Variants in LEPROTL1 observed in about 807,000 individuals in gnomAD.
The protein encoded by LEPROTL1 is leptin receptor overlapping transcript like 1, also known as leptin receptor overlapping transcript-like 1.
In LEPROTL1, 6 loss-of-function variants were observed where a neutral mutation model predicts 15.4. The observed-to-expected ratio is 0.39, with a 90% CI of 0.21 to 0.77. The LOEUF is 0.77. Among genes scored for constraint, LEPROTL1 ranks in the 30% least tolerant of loss-of-function variants. LEPROTL1 has a pLI of 0.41. For missense variants in LEPROTL1, 128 were observed against 158.1 expected (o/e 0.81, Z 1.02); for synonymous variants, 56 against 52.6 (o/e 1.06, Z -0.28).
At chr8:30,132,990 C>T (rs1027519728) in intron 4 of LEPROTL1, 14 of 1,368,768 alleles carry the variant, frequency 1.0e-5, no homozygotes, top group South Asian at 1.5e-5. Context: ...CATGATCTCG[C>T]AGGAAATAGA....
Position 30,095,447 on chromosome 8 carries a change from G to A in LEPROTL1, c.-66G>A. The A allele has an allele frequency of 6.9e-7, 1 of 1,452,650 alleles. No homozygotes were observed. Among genetic ancestry groups the A allele is most frequent in the African/African-American group, 1.5e-5 (1 of 67,856 alleles). The allele number at this position is 1,452,650 out of a possible 1,614,324, so 90.0% of individuals were successfully genotyped here. A position where few individuals can be genotyped will look rare whatever the true frequency, so the allele number is the denominator to read the frequency against. ...TGTCTGGCCGCCGTAGCGCGTCTTG[G>A]GTCTCCCGGCTGCCGCTGCTGCCGC... On this transcript the variant is annotated 5_prime_UTR_variant, in exon 1 of 4. Coordinates refer to ENST00000321250, the MANE Select transcript of LEPROTL1 (RefSeq NM_015344.3).
intron 3 of LEPROTL1, among the ~76,000 whole-genome samples, chr8:30,130,868 A>G (rs945014127): frequency 6.8e-6 from 1 of 146,696 alleles, no homozygotes. Context: ...CAACCTCCAC[A>G]CCCTGGATTC....
downstream of LEPROTL1, among the ~76,000 whole-genome samples, chr8:30,112,603 A>C (rs982931738): frequency 4.6e-5 from 7 of 151,490 alleles, no homozygotes; most frequent in Non-Finnish European, 1.0e-4. Flanking sequence ...ACATGGTAGC[A>C]CACATCACAG....
chr8:30,122,796 A>G (rs984280690), intron 3 of LEPROTL1, among the ~76,000 whole-genome samples: 2 of 152,188 alleles, frequency 1.3e-5, no homozygotes, highest in Non-Finnish European at 2.9e-5. Context: ...CTCTCTCCCA[A>G]AAAAACTTTT....
chr8:30,126,623 C>CATACAT (rs1802910958), intron 3 of LEPROTL1, among the ~76,000 whole-genome samples: 2 of 152,178 alleles, frequency 1.3e-5, no homozygotes, highest in South Asian at 4.1e-4. Context: ...GAGTGGATTG[C>CATACAT]TAAACCTGGG....
chr8:30,110,152 C>T (rs1414177802), downstream of LEPROTL1, among the ~76,000 whole-genome samples: 2 of 152,176 alleles, frequency 1.3e-5, no homozygotes, highest in African/African-American at 4.8e-5. Flanking sequence ...CTTCCAGTCT[C>T]TTGAAGATTA....
chr8:30,106,398 A>C lies in LEPROTL1; in HGVS notation c.*536A>C, dbSNP rs1802569419. ...CGTTATAGACTGTATACTCAGTGCA[A>C]ATATAGCTGCATTTATACCTCAGAG... On this transcript the variant is annotated 3_prime_UTR_variant, in exon 4 of 4. Coordinates refer to ENST00000321250, the MANE Select transcript of LEPROTL1 (RefSeq NM_015344.3). The C allele has an allele frequency of 1.0e-6, 1 of 985,738 alleles. No individual in the cohort carries two copies. Among genetic ancestry groups the C allele is most frequent in the Non-Finnish European group, 1.2e-6 (1 of 829,942 alleles). 61.1% of individuals were successfully genotyped at this position (985,738 alleles called of 1,614,324 possible).
chr8:30,111,119 T>C (rs2117496785), downstream of LEPROTL1, among the ~76,000 whole-genome samples: 1 of 152,340 alleles, frequency 6.6e-6, no homozygotes, highest in East Asian at 1.9e-4. Context: ...AACAACTTCC[T>C]AGGATTAAAC....
At position 30,124,838 on chromosome 8, in the gene LEPROTL1, A is replaced by G. The variant is rs368761494; in HGVS notation, c.280-7537A>G. On this transcript the variant is annotated intron_variant, in intron 3 of 4. Coordinates refer to the LEPROTL1 transcript ENST00000442880. ...GTTCCCTTGAATTCAGGTCATTACC[A>G]TGAGTGTCATCCATTAGGAGTTAAC... 3.3e-5 allele frequency among the ~76,000 whole-genome samples: 5 copies of G among 152,346 alleles called. No individual in the cohort carries two copies. In the East Asian group the frequency reaches 7.7e-4, roughly 24 times the overall value.
chr8:30,103,598 G>A (rs767381083), intron 2 of LEPROTL1, among the ~76,000 whole-genome samples: 17 of 151,766 alleles, frequency 1.1e-4, no homozygotes, highest in Admixed American at 7.9e-4. Flanking sequence ...AAAATTAGCC[G>A]GGCATGGTGG....
intron 3 of LEPROTL1, among the ~76,000 whole-genome samples, chr8:30,115,174 C>T (rs906934196): frequency 4.0e-5 from 6 of 151,890 alleles, no homozygotes; most frequent in African/African-American, 9.7e-5. Context: ...GATCAGCCTG[C>T]GCAATATGAT....
intron 3 of LEPROTL1, among the ~76,000 whole-genome samples, chr8:30,124,598 A>G (rs1802880269): frequency 6.6e-6 from 1 of 152,350 alleles, no homozygotes; most frequent in East Asian, 1.9e-4. Flanking sequence ...ATTAGTGTTT[A>G]AATTTCCCTA....
intron 1 of LEPROTL1, chr8:30,096,318 T>C: frequency 1.0e-6 from 1 of 984,250 alleles, no homozygotes; most frequent in Non-Finnish European, 1.2e-6. Flanking sequence ...TTAGGTAGTT[T>C]TGTTGTCAGT....
At chr8:30,121,065 C>T (rs746758131) in intron 3 of LEPROTL1, among the ~76,000 whole-genome samples, 19 of 152,182 alleles carry the variant, frequency 1.2e-4, no homozygotes, top group Non-Finnish European at 2.4e-4. Flanking sequence ...AATCATATAG[C>T]GTTTGTTCTT....
At chr8:30,132,951 T>A (rs1803059274) in intron 4 of LEPROTL1, 2 of 1,466,368 alleles carry the variant, frequency 1.4e-6, no homozygotes, top group Non-Finnish European at 1.8e-6. Context: ...TCTGTATTTA[T>A]TCTCTCTCTC....
chr8:30,117,040 G>A (rs1802752234), intron 3 of LEPROTL1, among the ~76,000 whole-genome samples: 1 of 152,154 alleles, frequency 6.6e-6, no homozygotes, highest in South Asian at 2.1e-4. Flanking sequence ...ATTGAGAGAT[G>A]TGTGAGTAGA....
chr8:30,118,137 G>A (rs989599085), intron 3 of LEPROTL1, among the ~76,000 whole-genome samples: 1 of 146,216 alleles, frequency 6.8e-6, no homozygotes, highest in Non-Finnish European at 1.5e-5. Flanking sequence ...GGATTCTCCT[G>A]CCTCACATTC....
intron 1 of LEPROTL1, among the ~76,000 whole-genome samples, chr8:30,099,754 A>G (rs1802432911): frequency 6.6e-6 from 1 of 152,214 alleles, no homozygotes; most frequent in African/African-American, 2.4e-5. Context: ...TGCTTGTCAC[A>G]TATTTAGTGC....
chr8:30,108,768 C>T (rs919618098), downstream of LEPROTL1, among the ~76,000 whole-genome samples: 1 of 152,006 alleles, frequency 6.6e-6, no homozygotes, highest in Non-Finnish European at 1.5e-5. Flanking sequence ...GCTGGGATTA[C>T]AGGCATAGGT....
Sources: allele counts gnomAD v4.1 joint callset (sites outside exome capture counted in the v4.1 genomes callset), GRCh38; gene constraint gnomAD v4.1.1; transcripts MANE v1.5; gene names NCBI Gene and HGNC (gene_info 2026-07-23, HGNC 2026-07-21).